TENM2: variants seen among roughly 807,000 people sequenced by gnomAD.
The protein encoded by TENM2 is teneurin-2.
A neutral mutation model predicts 245.2 loss-of-function variants in TENM2; 52 were observed. The observed-to-expected ratio is 0.21, with a 90% confidence interval of 0.17 to 0.27. TENM2 has a LOEUF of 0.27. TENM2 is among the 10% of genes least tolerant of loss of function. The pLI, the probability that TENM2 is intolerant of heterozygous loss-of-function variation, is 1.00. For missense variants in TENM2, 3,046 were observed against 3,666.8 expected (o/e 0.83, Z 4.37); for synonymous variants, 1,363 against 1,438.9 (o/e 0.95, Z 1.19).
intron 2 of TENM2, among the ~76,000 whole-genome samples, chr5:167,602,664 T>C (rs278009): frequency 0.019 from 2,838 of 152,294 alleles, 94 homozygotes; most frequent in African/African-American, 0.065. Context: ...TTTCAATTGA[T>C]ATAAATGTTA....
intron 2 of TENM2, among the ~76,000 whole-genome samples, chr5:167,842,970 G>A (rs1047353947): frequency 2.6e-5 from 4 of 152,162 alleles, no homozygotes; most frequent in Non-Finnish European, 5.9e-5. Context: ...AGGACACGAT[G>A]AAATGCCTCC....
At chr5:168,133,504 C>G (rs1404133834) in intron 12 of TENM2, among the ~76,000 whole-genome samples, 1 of 152,186 alleles carries the variant, frequency 6.6e-6, no homozygotes, top group Non-Finnish European at 1.5e-5. Flanking sequence ...GCCTTTCTCT[C>G]TTCTGTAAGG....
At chr5:167,412,878 CA>C (rs35434897) in intron 2 of TENM2, among the ~76,000 whole-genome samples, 26,147 of 137,318 alleles carry the variant, frequency 0.19, 2,463 homozygotes, top group South Asian at 0.29. Context: ...TCATCGAAAG[CA>C]AAAAAAAAAA....
intron 3 of TENM2, among the ~76,000 whole-genome samples, chr5:167,882,068 A>G (rs1020711991): frequency 1.5e-4 from 23 of 152,216 alleles, no homozygotes; most frequent in African/African-American, 4.6e-4. Context: ...TCCTAATTGC[A>G]GAGACTTTTC....
At chr5:167,941,347 C>CT (rs1174173472) in intron 3 of TENM2, among the ~76,000 whole-genome samples, 1 of 152,152 alleles carries the variant, frequency 6.6e-6, no homozygotes, top group Non-Finnish European at 1.5e-5. Context: ...ACAAAAGCTG[C>CT]TATAAGGCAC....
intron 2 of TENM2, among the ~76,000 whole-genome samples, chr5:167,468,217 G>A (rs576918375): frequency 5.9e-5 from 9 of 152,298 alleles, no homozygotes; most frequent in Non-Finnish European, 7.4e-5. Context: ...GATTACAGGC[G>A]TGAGCCACCA....
intron 7 of TENM2, among the ~76,000 whole-genome samples, chr5:168,079,787 A>G (rs1450974182): frequency 6.6e-6 from 1 of 152,188 alleles, no homozygotes; most frequent in Non-Finnish European, 1.5e-5. Context: ...AGCCCACTTG[A>G]TCATAGTGGA....
At position 168,030,017 on chromosome 5, in the gene TENM2, G is replaced by T. The variant is rs561111845; in HGVS notation, c.1187-17410G>T. 2.6e-5 allele frequency among the ~76,000 whole-genome samples: 4 copies of T among 152,188 alleles called. No individual in the cohort carries two copies. The South Asian group carries it at 8.3e-4, about 32-fold the overall frequency. ...ACAAGAGGCACTGCTGAGTTTGGAG[G>T]GGGGCACTGAGTCTCTCTGATCATG... On this transcript the variant is annotated intron_variant, in intron 5 of 28. Transcript: ENST00000518659.
chr5:167,350,883 TATG>T lies in TENM2; in HGVS notation c.227-24314_227-24312del, dbSNP rs1194072781. 1.3e-4 allele frequency among the ~76,000 whole-genome samples: 12 copies of T among 89,500 alleles called. 4 individuals carry two copies. The highest frequency in any genetic ancestry group is 2.9e-4 in the Non-Finnish European group (12 of 41,464). The allele number at this position is 89,500 out of a possible 152,430, so 58.7% of individuals were successfully genotyped here. A position where few individuals can be genotyped will look rare whatever the true frequency, so the allele number is the denominator to read the frequency against. ...GGATGTATACATATGGATATATATA[TATG>T]GGATGTATACATATGGATATATATA... On this transcript the variant is annotated intron_variant, in intron 1 of 28. Coordinates refer to ENST00000518659, the Ensembl canonical transcript of TENM2.
the TENM2 span, among the ~76,000 whole-genome samples, chr5:167,029,613 G>C: frequency 2.0e-5 from 3 of 151,974 alleles, no homozygotes; most frequent in Non-Finnish European, 4.4e-5. Flanking sequence ...GGCTAATCTC[G>C]GTTTCATCAT....
At chr5:167,721,480 C>T (rs1759626441) in intron 2 of TENM2, 1 of 152,214 alleles carries the variant, frequency 6.6e-6, no homozygotes, top group Non-Finnish European at 1.5e-5. Flanking sequence ...TTCTGGAGCA[C>T]ATAGCAAAGA....
chr5:167,244,858 G>A, the TENM2 span, among the ~76,000 whole-genome samples: 1 of 152,052 alleles, frequency 6.6e-6, no homozygotes, highest in African/African-American at 2.4e-5. Flanking sequence ...TTTGTGTGTA[G>A]TTGGACAGCC....
intron 2 of TENM2, among the ~76,000 whole-genome samples, chr5:167,403,523 G>T (rs1312387013): frequency 6.6e-6 from 1 of 152,070 alleles, no homozygotes; most frequent in Non-Finnish European, 1.5e-5. Flanking sequence ...AGGTCTTCAT[G>T]CCTTCTACCT....
At chr5:167,821,477 G>T (rs745469230) in intron 2 of TENM2, among the ~76,000 whole-genome samples, 2 of 152,124 alleles carry the variant, frequency 1.3e-5, no homozygotes, top group African/African-American at 4.8e-5. Flanking sequence ...TTGTCCTTTT[G>T]GGGGATGGTT....
At chr5:167,826,021 A>G (rs1424252472) in intron 2 of TENM2, among the ~76,000 whole-genome samples, 1 of 152,076 alleles carries the variant, frequency 6.6e-6, no homozygotes, top group Admixed American at 6.5e-5. Flanking sequence ...CACGTCGTGT[A>G]CCTGTACCTT....
rs1369938186 is a variant in TENM2 at position 167,285,087 on chromosome 5, T to C, written c.226+24T>C. 2.0e-6 allele frequency: 3 copies of C among 1,516,534 alleles called. No homozygotes were observed. The Admixed American group carries it at 5.9e-5, about 30-fold the overall frequency. The allele number at this position is 1,516,534 out of a possible 1,614,324, so 93.9% of individuals were successfully genotyped here. ...AGGTTTGTAGGGTTTCCCCTGCTGA[T>C]TTGCTCTCAACTGTCTAACTTACTT... is the stretch of plus-strand genomic sequence containing the variant. On this transcript the variant is annotated intron_variant, in intron 1 of 28. Coordinates refer to ENST00000518659, the Ensembl canonical transcript of TENM2.
chr5:167,158,802 A>G, the TENM2 span, among the ~76,000 whole-genome samples: 1 of 151,620 alleles, frequency 6.6e-6, no homozygotes, highest in Non-Finnish European at 1.5e-5. Context: ...TAGGGTTTCA[A>G]CATATGATTT....
chr5:167,331,691 C>T (rs905960592), intron 1 of TENM2, among the ~76,000 whole-genome samples: 4 of 152,006 alleles, frequency 2.6e-5, no homozygotes, highest in African/African-American at 9.7e-5. Flanking sequence ...TCAAGAGATG[C>T]ACCATTGAAA....
At chr5:167,544,991 C>T (rs1307523423) in intron 2 of TENM2, among the ~76,000 whole-genome samples, 1 of 152,104 alleles carries the variant, frequency 6.6e-6, no homozygotes, top group Non-Finnish European at 1.5e-5. Flanking sequence ...CTGAGAATGG[C>T]ATGGTTACTG....
Sources: gnomAD v4.1 joint callset for allele counts (sites outside exome capture counted in the v4.1 genomes callset) on GRCh38, gnomAD v4.1.1 for gene constraint, MANE v1.5 for transcripts, NCBI Gene and HGNC (gene_info 2026-07-23, HGNC 2026-07-21) for gene names.